The following BIN1 variants were observed in gnomAD, a reference collection of about 807,000 sequenced individuals.
BIN1 encodes bridging integrator 1.
Under a neutral mutation model 82.0 loss-of-function variants are expected in BIN1, and 53 were observed. That is an observed-to-expected ratio of 0.65 (90% confidence interval 0.52 to 0.81). BIN1 has a LOEUF of 0.81. Among genes scored for constraint, BIN1 ranks in the 40% least tolerant of loss-of-function variants. BIN1 has a pLI of 0.00. For synonymous variants in BIN1, 302 were observed against 328.0 expected (o/e 0.92, Z 0.86); for missense variants, 642 against 784.4 (o/e 0.82, Z 2.17).
Position 127,090,102 on chromosome 2 carries a change from C to A in BIN1, c.85-13396G>T, listed in dbSNP as rs916924542. On this transcript the variant is annotated intron_variant, in intron 1 of 18. Transcript: ENST00000316724. The surrounding 1 kb of genome is among the most constrained non-coding windows in gnomAD (Gnocchi z 6.4). ...TCCTTGGAACAGCATATACCAACCA[C>A]CCCCCTTCCTCTCTCCAATCAAGCT... Among the ~76,000 whole-genome samples, 1 of 152,084 alleles carries A rather than the reference C, an allele frequency of 6.6e-6. No homozygotes were observed. The highest frequency in any genetic ancestry group is 2.1e-4 in the South Asian group (1 of 4,822).
chr2:127,069,553 G>A (rs551144906), intron 5 of BIN1, among the ~76,000 whole-genome samples: 31 of 152,262 alleles, frequency 2.0e-4, no homozygotes, highest in Middle Eastern at 3.4e-3. Context: ...CAGGCTTTGC[G>A]AATGCACACA....
At chr2:127,061,663 G>C (rs554004103) in intron 10 of BIN1, among the ~76,000 whole-genome samples, 1 of 152,188 alleles carries the variant, frequency 6.6e-6, no homozygotes. Flanking sequence ...GAGGATGCTC[G>C]TGTGGTTGAG....
intron 1 of BIN1, among the ~76,000 whole-genome samples, chr2:127,103,089 G>A (rs577260110): frequency 6.6e-6 from 1 of 152,332 alleles, no homozygotes; most frequent in South Asian, 2.1e-4. Context: ...GCCAAGGTGA[G>A]GAGACCAGGG....
At position 127,048,122 on chromosome 2, in the gene BIN1, G is replaced by C. The variant is rs948039237; in HGVS notation, c.*404C>G. The C allele has an allele frequency of 3.4e-6, 1 of 294,060 alleles. No individual in the cohort carries two copies. The highest frequency in any genetic ancestry group is 6.6e-6 in the Non-Finnish European group (1 of 152,434). The allele number at this position is 294,060 out of a possible 1,614,324, so 18.2% of individuals were successfully genotyped here. A position where few individuals can be genotyped will look rare whatever the true frequency, so the allele number is the denominator to read the frequency against. On this transcript the variant is annotated 3_prime_UTR_variant, in exon 19 of 19. Transcript: ENST00000316724. ...GCACACAGACCGTCTGCGGGGCAGA[G>C]CCAGGCTAGGCTGGTGTCTGGGCCC...
At chr2:127,083,432 C>T (rs1006052674) in intron 1 of BIN1, among the ~76,000 whole-genome samples, 1 of 152,198 alleles carries the variant, frequency 6.6e-6, no homozygotes, top group African/African-American at 2.4e-5. Flanking sequence ...GCCCAGCCAA[C>T]AGAAGGTAAG....
At chr2:127,087,103 T>C (rs183525820) in intron 1 of BIN1, among the ~76,000 whole-genome samples, 3 of 152,310 alleles carry the variant, frequency 2.0e-5, no homozygotes, top group Admixed American at 1.3e-4. Flanking sequence ...CTCTTTTACA[T>C]CCTTAACTGA....
At position 127,052,257 on chromosome 2, in the gene BIN1, G is replaced by C. The variant is rs1420540623; in HGVS notation, c.1369C>G (p.Gln457Glu). The stretch of plus-strand genomic sequence containing the variant: ...AGGGGCTGGAGGTGGGCACTTACTT[G>C]GGCAGGCCCCGGCTCGGCCGTCTGG... ...PSQTAEPGPA[Q>E]PAEASEVAGG... The change falls in exon 15 of 19, where the codon CAA (glutamine) becomes GAA (glutamate). Residue 457 changes from glutamine (Q) to glutamate (E), a missense_variant and splice_region_variant. Coordinates refer to ENST00000316724, the MANE Select transcript of BIN1 (RefSeq NM_139343.3). 1 of 1,570,592 alleles carries C rather than the reference G, an allele frequency of 6.4e-7. No individual in the cohort carries two copies. The highest frequency in any genetic ancestry group is 1.3e-5 in the African/African-American group (1 of 74,090).
At position 127,059,316 on chromosome 2, in the gene BIN1, G is replaced by A. The variant is rs1195613864; in HGVS notation, c.858-161C>T. ...TGTATGTGAGAGAGAGCAGGAGGGTGGGGGGAGCCAAGGGACCTGGGCTTG... is the reference window on the plus strand; with the variant it reads ...TGTATGTGAGAGAGAGCAGGAGGGTAGGGGGAGCCAAGGGACCTGGGCTTG... On this transcript the variant is annotated intron_variant, in intron 10 of 18. Transcript: ENST00000316724. The surrounding 1 kb of genome is among the most constrained non-coding windows in gnomAD (Gnocchi z 6.7). Among the ~76,000 whole-genome samples the A allele has an allele frequency of 6.6e-6, 1 of 151,600 alleles. No individual in the cohort carries two copies. Among genetic ancestry groups the A allele is most frequent in the Non-Finnish European group, 1.5e-5 (1 of 67,854 alleles).
Position 127,106,780 on chromosome 2 carries a change from G to T in BIN1, c.84+80C>A, listed in dbSNP as rs548509223. 3.3e-6 allele frequency: 5 copies of T among 1,501,252 alleles called. No individual in the cohort carries two copies. The South Asian group carries it at 6.1e-5, about 18-fold the overall frequency. 93.0% of individuals were successfully genotyped at this position (1,501,252 alleles called of 1,614,324 possible). ...ATCCTGGCGAAGGACCAGGCCCCGG[G>T]GTCGGAGGATAGGGGGACAGGTGGC... On this transcript the variant is annotated intron_variant, in intron 1 of 18. Coordinates refer to ENST00000316724, the MANE Select transcript of BIN1 (RefSeq NM_139343.3).
intron 13 of BIN1, 88 bp downstream of exon 13, chr2:127,053,817 T>TG: frequency 7.8e-7 from 1 of 1,283,764 alleles, no homozygotes; most frequent in Non-Finnish European, 1.1e-6. Flanking sequence ...CAGGCCTAGC[T>TG]GGGGTCACGT....
In BIN1 at chr2:127,050,792, G is replaced by A. The variant is rs1053291620; in HGVS notation, c.1572+10C>T. 1 of 1,612,810 alleles carries A rather than the reference G, an allele frequency of 6.2e-7. No individual in the cohort carries two copies. The highest frequency in any genetic ancestry group is 8.5e-7 in the Non-Finnish European group (1 of 1,179,350). On this transcript the variant is annotated intron_variant, in intron 17 of 18. Coordinates refer to ENST00000316724, the MANE Select transcript of BIN1 (RefSeq NM_139343.3). ...CGAGGGACTGCAGCAGTCAGAGGCT[G>A]TGGGCTCACCTTGAACATGAAACCT...
At chr2:127,080,267 G>A (rs749847377) in intron 1 of BIN1, among the ~76,000 whole-genome samples, 1 of 152,236 alleles carries the variant, frequency 6.6e-6, no homozygotes, top group South Asian at 2.1e-4. Flanking sequence ...CACCCCATCC[G>A]TTCCACACTT....
In BIN1 at chr2:127,059,283, TG is replaced by T. The variant is rs1684128314; in HGVS notation, c.858-129del. Reference sequence around the variant, plus strand: ...GGAGGTGTGAAACTGTGTGTGTGTGTGTGTGTGTGTATGTGAGAGAGAGCAG... The same window carrying T: ...GGAGGTGTGAAACTGTGTGTGTGTGTTGTGTGTGTATGTGAGAGAGAGCAG... On this transcript the variant is annotated intron_variant, in intron 10 of 18. Coordinates refer to ENST00000316724, the MANE Select transcript of BIN1 (RefSeq NM_139343.3). The surrounding 1 kb of genome is among the most constrained non-coding windows in gnomAD (Gnocchi z 6.7). The T allele has an allele frequency of 3.1e-6, 3 of 962,374 alleles. No homozygotes were observed. Among genetic ancestry groups the T allele is most frequent in the Non-Finnish European group, 4.5e-6 (3 of 664,754 alleles). The allele number at this position is 962,374 out of a possible 1,614,324, so 59.6% of individuals were successfully genotyped here. A position where few individuals can be genotyped will look rare whatever the true frequency, so the allele number is the denominator to read the frequency against.
rs2105290802 is a variant in BIN1 at position 127,093,144 on chromosome 2, C to T, written c.84+13716G>A. ...GGGCGGAAGGGGAAGTGGGGGCTTA[C>T]AGTATCACCTGGAGCCTGGCCCCCA... On this transcript the variant is annotated intron_variant, in intron 1 of 18. Coordinates refer to ENST00000316724, the MANE Select transcript of BIN1 (RefSeq NM_139343.3). This position sits in a 1 kb window ranked among gnomAD's most constrained non-coding sequence, Gnocchi z 5.7. Among the ~76,000 whole-genome samples the T allele has an allele frequency of 1.3e-5, 2 of 152,280 alleles. No homozygotes were observed. Among genetic ancestry groups the T allele is most frequent in the Middle Eastern group, 6.8e-3 (2 of 294 alleles).
chr2:127,098,711 C>A (rs1475268096), intron 1 of BIN1, among the ~76,000 whole-genome samples: 2 of 152,248 alleles, frequency 1.3e-5, no homozygotes, highest in Non-Finnish European at 2.9e-5. Context: ...GGCAGCAGCT[C>A]TCACAGTGAT....
chr2:127,053,483 C>T (rs759813870), intron 13 of BIN1, 38 bp from the exon 14 acceptor site: 1 of 1,611,768 alleles, frequency 6.2e-7, no homozygotes, highest in South Asian at 1.1e-5. Context: ...ACAGTTAGCA[C>T]AGAGGTTAGA....
chr2:127,074,527 C>T (rs1686344334), intron 2 of BIN1, among the ~76,000 whole-genome samples: 1 of 152,196 alleles, frequency 6.6e-6, no homozygotes, highest in Non-Finnish European at 1.5e-5. Flanking sequence ...TCTGCCCAAC[C>T]CCTCTGTCCA....
chr2:127,059,293 T>C lies in BIN1; in HGVS notation c.858-138A>G. ...AACTGTGTGTGTGTGTGTGTGTGTG[T>C]ATGTGAGAGAGAGCAGGAGGGTGGG... is the stretch of plus-strand genomic sequence containing the variant. On this transcript the variant is annotated intron_variant, in intron 10 of 18. Transcript: ENST00000316724. This position sits in a 1 kb window ranked among gnomAD's most constrained non-coding sequence, Gnocchi z 6.7. 1 of 857,576 alleles carries C rather than the reference T, an allele frequency of 1.2e-6. No homozygotes were observed. Among genetic ancestry groups the C allele is most frequent in the Non-Finnish European group, 1.7e-6 (1 of 575,748 alleles). The allele number at this position is 857,576 out of a possible 1,614,324, so 53.1% of individuals were successfully genotyped here. A position where few individuals can be genotyped will look rare whatever the true frequency, so the allele number is the denominator to read the frequency against.
chr2:127,078,893 C>T (rs1214286609), intron 1 of BIN1, among the ~76,000 whole-genome samples: 1 of 151,562 alleles, frequency 6.6e-6, no homozygotes, highest in Admixed American at 6.6e-5. Flanking sequence ...TAGACCACCA[C>T]ATAGAAAAGA....
Sources: allele counts gnomAD v4.1 joint callset (sites outside exome capture counted in the v4.1 genomes callset), GRCh38; gene constraint gnomAD v4.1.1; non-coding constraint Gnocchi (gnomAD v3.1); transcripts MANE v1.5; gene names NCBI Gene and HGNC (gene_info 2026-07-23, HGNC 2026-07-21).